The following CEP43 variants were observed in gnomAD, a reference collection of about 807,000 sequenced individuals.
CEP43 encodes FGFR1 oncogene partner.
A neutral mutation model predicts 52.6 loss-of-function variants in CEP43; 36 were observed. The observed-to-expected ratio is 0.68, with a 90% CI of 0.52 to 0.90. The LOEUF (loss-of-function observed/expected upper bound fraction) is 0.90. Among genes scored for constraint, CEP43 ranks in the 40% least tolerant of loss-of-function variants. CEP43 has a pLI of 0.00. For missense variants in CEP43, 506 were observed against 472.8 expected (o/e 1.07, Z -0.65); for synonymous variants, 192 against 172.4 (o/e 1.11, Z -0.89).
rs1256053543 is a variant in CEP43 at position 167,049,759 on chromosome 6, C to T, written c.*9781C>T. The T allele has an allele frequency of 6.6e-6, 1 of 152,194 alleles. No individual in the cohort carries two copies. The highest frequency in any genetic ancestry group is 1.9e-4 in the East Asian group (1 of 5,202). The allele number at this position is 152,194 out of a possible 1,614,324, so 9.4% of individuals were successfully genotyped here. A position where few individuals can be genotyped will look rare whatever the true frequency, so the allele number is the denominator to read the frequency against. ...GGAGCCTCTGAGTAATATAATAACT[C>T]TATGTTTGGTGTTTTGAAGAATTGC... On this transcript the variant is annotated 3_prime_UTR_variant, in exon 13 of 13. Transcript: ENST00000366847.
At chr6:167,033,173 C>T (rs966309148) in intron 11 of CEP43, among the ~76,000 whole-genome samples, 6 of 122,840 alleles carry the variant, frequency 4.9e-5, no homozygotes, top group South Asian at 5.4e-4. Flanking sequence ...TGCAGTGGTG[C>T]GATCTGGGCT....
At chr6:167,008,695 T>G (rs574543591) in intron 5 of CEP43, among the ~76,000 whole-genome samples, 1 of 152,154 alleles carries the variant, frequency 6.6e-6, no homozygotes, top group South Asian at 2.1e-4. Flanking sequence ...CAGGATGGTC[T>G]CAATCTCTGA....
intron 7 of CEP43, 55 bp from the exon 8 acceptor site, chr6:167,022,354 T>C: frequency 7.9e-7 from 1 of 1,260,056 alleles, no homozygotes; most frequent in Middle Eastern, 1.9e-4. Flanking sequence ...TTATTGAAAA[T>C]ATCTTAAAGT....
Position 167,022,616 on chromosome 6 carries a change from C to G in CEP43, c.787C>G (p.Pro263Ala), listed in dbSNP as rs1236334667. 7 of 1,613,064 alleles carry G rather than the reference C, an allele frequency of 4.3e-6. No individual in the cohort carries two copies. Among genetic ancestry groups the G allele is most frequent in the Admixed American group, 1.7e-5 (1 of 59,974 alleles). The change falls in exon 8 of 13, where the codon CCA becomes GCA. Residue 263 changes from proline (P) to alanine (A), a missense_variant. Transcript: ENST00000366847. ...DSFFDDPIPKPEKTYGLRKEP... is the reference protein window; with the variant it reads ...DSFFDDPIPKAEKTYGLRKEP... Reference sequence around the variant, plus strand: ...TTTCTTTGATGATCCCATTCCTAAGCCAGAGAAAACTTACGGTTTGTGAGT... The same window carrying G: ...TTTCTTTGATGATCCCATTCCTAAGGCAGAGAAAACTTACGGTTTGTGAGT...
intron 7 of CEP43, among the ~76,000 whole-genome samples, chr6:167,018,194 C>T (rs1780144410): frequency 6.6e-6 from 1 of 152,218 alleles, no homozygotes; most frequent in South Asian, 2.1e-4. Flanking sequence ...GGTTAGGACC[C>T]AGGCCCACCC....
chr6:167,039,758 G>A (rs552966419), intron 12 of CEP43, 146 bp from the exon 13 acceptor site: 84 of 800,780 alleles, frequency 1.0e-4, no homozygotes, highest in African/African-American at 1.0e-3. Flanking sequence ...CATCTTCACT[G>A]ACATTTATAT....
Position 167,041,616 on chromosome 6 carries a change from T to G in CEP43, c.*1638T>G. 1 of 1,043,758 alleles carries G rather than the reference T, an allele frequency of 9.6e-7. No homozygotes were observed. The highest frequency in any genetic ancestry group is 1.2e-6 in the Non-Finnish European group (1 of 865,446). 64.7% of individuals were successfully genotyped at this position (1,043,758 alleles called of 1,614,324 possible). ...TCTGGATCACATGTATGATTTATTT[T>G]TAATATTTGATAGGAACTAGGTTTC... On this transcript the variant is annotated 3_prime_UTR_variant, in exon 13 of 13. Transcript: ENST00000366847.
Position 167,048,952 on chromosome 6 carries a change from T to C in CEP43, c.*8974T>C, listed in dbSNP as rs895243045. The C allele has an allele frequency of 4.6e-5, 7 of 152,246 alleles. No homozygotes were observed. The highest frequency in any genetic ancestry group is 8.8e-5 in the Non-Finnish European group (6 of 68,040). 9.4% of individuals were successfully genotyped at this position (152,246 alleles called of 1,614,324 possible). On this transcript the variant is annotated 3_prime_UTR_variant, in exon 13 of 13. Coordinates refer to ENST00000366847, the MANE Select transcript of CEP43 (RefSeq NM_007045.4). ...ATTTTAAAAAAGGGATTGTAAAGACTGATGAAACCCTTAAAACCTCTCAAG... is the reference window on the plus strand; with the variant it reads ...ATTTTAAAAAAGGGATTGTAAAGACCGATGAAACCCTTAAAACCTCTCAAG...
intron 12 of CEP43, chr6:167,036,109 A>G: frequency 1.0e-6 from 1 of 985,382 alleles, no homozygotes; most frequent in South Asian, 4.7e-5. Flanking sequence ...ATGTACACAA[A>G]CATAGGAAAA....
chr6:167,036,423 G>C, intron 12 of CEP43: 1 of 985,398 alleles, frequency 1.0e-6, no homozygotes, highest in South Asian at 4.7e-5. Context: ...AGGAGCAGAG[G>C]CCCTGGGGAG....
rs989846765 is a variant in CEP43, at chr6:167,049,628, T to G, written c.*9650T>G. Reference sequence around the variant, plus strand: ...TTCATTGGTTGATGGACATTTGGGTTGTTTCCACTTTTTCTGCTGTTGTGA... The same window carrying G: ...TTCATTGGTTGATGGACATTTGGGTGGTTTCCACTTTTTCTGCTGTTGTGA... On this transcript the variant is annotated 3_prime_UTR_variant, in exon 13 of 13. Transcript: ENST00000366847. 6.6e-6 allele frequency: 1 copy of G among 152,294 alleles called. No homozygotes were observed. The allele number at this position is 152,294 out of a possible 1,614,324, so 9.4% of individuals were successfully genotyped here.
intron 12 of CEP43, among the ~76,000 whole-genome samples, chr6:167,037,886 A>T (rs891156553): frequency 1.3e-5 from 2 of 152,172 alleles, no homozygotes; most frequent in African/African-American, 4.8e-5. Context: ...TGGAGAAGAC[A>T]GCCATAGACG....
Position 167,010,876 on chromosome 6 carries a change from C to T in CEP43, c.502C>T (p.Gln168Ter). The change falls in exon 6 of 13, where the codon CAG becomes TAG. Residue 168 changes from glutamine to a stop codon, truncating the protein, a stop_gained. Transcript: ENST00000366847. LOFTEE classifies it high-confidence loss of function. ...GTCACCAGAGGGAAAAACAAGTGCA[C>T]AGACAACACCAAGTAAGGTGAGTTA... is the stretch of plus-strand genomic sequence containing the variant. ...PKSPEGKTSA[Q>*]TTPSKIPRYK... The T allele has an allele frequency of 6.3e-7, 1 of 1,596,380 alleles. No homozygotes were observed. Among genetic ancestry groups the T allele is most frequent in the Non-Finnish European group, 8.5e-7 (1 of 1,171,074 alleles).
chr6:167,011,266 G>A (rs1476299322), intron 6 of CEP43, among the ~76,000 whole-genome samples: 1 of 152,140 alleles, frequency 6.6e-6, no homozygotes, highest in Non-Finnish European at 1.5e-5. Flanking sequence ...AATATTGAAT[G>A]AATATTTTAG....
chr6:167,001,622 AT>A (rs1779738617), intron 2 of CEP43, among the ~76,000 whole-genome samples: 1 of 152,118 alleles, frequency 6.6e-6, no homozygotes. Flanking sequence ...TGCCCACTGT[AT>A]TATGCCCTTA....
chr6:167,032,997 A>G (rs1318394575), intron 11 of CEP43, among the ~76,000 whole-genome samples: 1 of 151,626 alleles, frequency 6.6e-6, no homozygotes, highest in Non-Finnish European at 1.5e-5. Context: ...GAATTGTCTC[A>G]AAATTGACCT....
intron 10 of CEP43, among the ~76,000 whole-genome samples, chr6:167,030,101 G>A (rs1293837317): frequency 9.9e-5 from 15 of 152,234 alleles, no homozygotes; most frequent in South Asian, 6.2e-4. Flanking sequence ...GGATGTACAC[G>A]TGCAGGACAC....
rs190550051 is a variant in CEP43, at chr6:167,010,700, T to C, written c.439-113T>C. 471 of 511,196 alleles carry C rather than the reference T, an allele frequency of 9.2e-4. 4 individuals carry two copies. The highest frequency in any genetic ancestry group is 8.7e-3 in the African/African-American group (435 of 50,260). The allele number at this position is 511,196 out of a possible 1,614,324, so 31.7% of individuals were successfully genotyped here. On this transcript the variant is annotated intron_variant, in intron 5 of 12. Transcript: ENST00000366847. ...AAAGGATGGTTACTTTAATAAGAAATAAAATACCAACATTGTATAGTGTTT... is the reference window on the plus strand; with the variant it reads ...AAAGGATGGTTACTTTAATAAGAAACAAAATACCAACATTGTATAGTGTTT...
rs1271441901 is a variant in CEP43, at chr6:167,049,100, T to G, written c.*9122T>G. ...CGTTTGCTGTTTAATGTAGCACAGA[T>G]GTATCAAAAAGCCATGCCAGGCAGT... On this transcript the variant is annotated 3_prime_UTR_variant, in exon 13 of 13. Coordinates refer to ENST00000366847, the MANE Select transcript of CEP43 (RefSeq NM_007045.4). 2 of 152,250 alleles carry G rather than the reference T, an allele frequency of 1.3e-5. No homozygotes were observed. The highest frequency in any genetic ancestry group is 2.4e-5 in the African/African-American group (1 of 41,482). The allele number at this position is 152,250 out of a possible 1,614,324, so 9.4% of individuals were successfully genotyped here.
Sources: gnomAD v4.1 joint callset for allele counts (sites outside exome capture counted in the v4.1 genomes callset) on GRCh38, gnomAD v4.1.1 for gene constraint, MANE v1.5 for transcripts, NCBI Gene and HGNC (gene_info 2026-07-23, HGNC 2026-07-21) for gene names.